LRBA: variants seen among roughly 807,000 people sequenced by gnomAD.
LRBA encodes lipopolysaccharide-responsive and beige-like anchor protein.
A neutral mutation model predicts 330.0 loss-of-function variants in LRBA; 176 were observed. The ratio of observed to expected loss-of-function variants is 0.53; its 90% CI spans 0.47 to 0.60. The LOEUF (loss-of-function observed/expected upper bound fraction) is 0.60. Ranked by LOEUF, LRBA falls within the 20% of genes least tolerant of loss-of-function variation. The probability of loss-of-function intolerance (pLI) is 0.00; values close to 1 mark genes in which losing one functional copy is unlikely to be tolerated. For missense variants in LRBA, 3,259 were observed against 3,444.8 expected (o/e 0.95, Z 1.35); for synonymous variants, 1,230 against 1,193.0 (o/e 1.03, Z -0.64).
At chr4:150,391,438 G>A (rs983547273) in intron 47 of LRBA, among the ~76,000 whole-genome samples, 1 of 152,192 alleles carries the variant, frequency 6.6e-6, no homozygotes, top group East Asian at 1.9e-4. Context: ...GAGTATGTGG[G>A]CATAGTCTAA....
chr4:150,834,048 T>C (rs1170531109), intron 28 of LRBA, among the ~76,000 whole-genome samples: 1 of 152,200 alleles, frequency 6.6e-6, no homozygotes, highest in African/African-American at 2.4e-5. Flanking sequence ...TTGTAGGAAT[T>C]CAATCACATG....
intron 40 of LRBA, among the ~76,000 whole-genome samples, chr4:150,539,700 A>G (rs2152221181): frequency 6.6e-6 from 1 of 152,346 alleles, no homozygotes; most frequent in African/African-American, 2.4e-5. Flanking sequence ...AGAATATTAT[A>G]CATTAATTGA....
At chr4:150,616,258 G>A (rs563310154) in intron 37 of LRBA, among the ~76,000 whole-genome samples, 2 of 152,114 alleles carry the variant, frequency 1.3e-5, no homozygotes, top group Non-Finnish European at 2.9e-5. Flanking sequence ...TTTCAAGCAA[G>A]TGACCAAAGC....
At position 150,415,455 on chromosome 4, in the gene LRBA, C is replaced by T. The variant is rs202243949; in HGVS notation, c.7177G>A (p.Val2393Ile). The change falls in exon 47 of 57, where the codon GTT becomes ATT. Residue 2393 changes from valine to isoleucine, a missense_variant. Physicochemically the swap from Val to Ile is conservative, Grantham distance 29. Coordinates refer to ENST00000651943, the MANE Select transcript of LRBA (RefSeq NM_001364905.1). ...TATCTTACCAATCTGTTTATGTGAA[C>T]AAATTCTTCTGAGGTTTTGGCCCAA... ...PPWAKTSEEFVHINRLALESE... is the reference protein window; with the variant it reads ...PPWAKTSEEFIHINRLALESE... 88 of 1,613,264 alleles carry T rather than the reference C, an allele frequency of 5.5e-5. No individual in the cohort carries two copies. The East Asian group carries it at 1.9e-3, about 34-fold the overall frequency.
intron 13 of LRBA, among the ~76,000 whole-genome samples, chr4:150,903,119 A>T (rs148657700): frequency 9.7e-4 from 148 of 152,322 alleles, no homozygotes; most frequent in African/African-American, 3.3e-3. Context: ...TGGTAGCTCA[A>T]GACTGTAATC....
intron 44 of LRBA, among the ~76,000 whole-genome samples, chr4:150,445,371 CTCTCTCTATATATA>C (rs1308090948): frequency 2.9e-3 from 245 of 84,362 alleles, no homozygotes; most frequent in Admixed American, 4.5e-3. Context: ...CTCTCTCTCT[CTCTCTCTATATATA>C]TATATATATA....
At position 151,011,958 on chromosome 4, in the gene LRBA, A is replaced by G. The variant is rs1467395900; in HGVS notation, c.216+2469T>C. Among the ~76,000 whole-genome samples the G allele has an allele frequency of 2.6e-5, 4 of 152,120 alleles. No individual in the cohort carries two copies. The South Asian group carries it at 8.3e-4, about 31-fold the overall frequency. On this transcript the variant is annotated intron_variant, in intron 2 of 56. Coordinates refer to ENST00000651943, the MANE Select transcript of LRBA (RefSeq NM_001364905.1). ...AGCTCTGGGATTACAAGCATGAGCC[A>G]CTGTGCGCAGCTGCTTCCAAAGATT...
At chr4:150,638,313 C>A (rs1159128374) in intron 37 of LRBA, among the ~76,000 whole-genome samples, 2 of 152,200 alleles carry the variant, frequency 1.3e-5, no homozygotes, top group Non-Finnish European at 1.5e-5. Flanking sequence ...AGGCGTAAGC[C>A]ACCACGCCCG....
chr4:150,437,729 G>C (rs376445509), intron 44 of LRBA, among the ~76,000 whole-genome samples: 11 of 151,910 alleles, frequency 7.2e-5, no homozygotes, highest in African/African-American at 2.4e-4. Flanking sequence ...AAAATGAGTA[G>C]GTACGTTAAA....
chr4:150,877,745 C>T (rs933403227), intron 17 of LRBA, among the ~76,000 whole-genome samples: 4 of 152,202 alleles, frequency 2.6e-5, no homozygotes, highest in African/African-American at 4.8e-5. Context: ...CTCATCTGCA[C>T]ACAAAACATA....
At chr4:151,003,296 C>G (rs1265982010) in intron 2 of LRBA, among the ~76,000 whole-genome samples, 1 of 150,444 alleles carries the variant, frequency 6.6e-6, no homozygotes, top group East Asian at 2.0e-4. Context: ...ACTTGGGAGG[C>G]TGAGGCAGAA....
chr4:150,923,674 T>C (rs769117160), intron 4 of LRBA, among the ~76,000 whole-genome samples: 3 of 152,168 alleles, frequency 2.0e-5, no homozygotes, highest in Non-Finnish European at 2.9e-5. Flanking sequence ...AAAATCTCAT[T>C]TGCAGTTACA....
chr4:150,579,826 G>C (rs1771034427), intron 40 of LRBA: 1 of 424,210 alleles, frequency 2.4e-6, no homozygotes, highest in Non-Finnish European at 4.8e-6. Flanking sequence ...ACTCACTCTC[G>C]GGAGCGTCGC....
At chr4:150,441,024 AT>A (rs1163973959) in intron 44 of LRBA, among the ~76,000 whole-genome samples, 1 of 152,142 alleles carries the variant, frequency 6.6e-6, no homozygotes, top group East Asian at 1.9e-4. Context: ...TTAAAAAAAC[AT>A]TTTTTGTTAC....
At chr4:150,585,083 T>C (rs527756209) in intron 40 of LRBA, among the ~76,000 whole-genome samples, 2 of 152,322 alleles carry the variant, frequency 1.3e-5, no homozygotes, top group East Asian at 3.9e-4. Flanking sequence ...CTGAATCCGA[T>C]ATACAAAGGA....
chr4:150,335,884 T>C (rs888772262), intron 48 of LRBA, among the ~76,000 whole-genome samples: 7 of 152,086 alleles, frequency 4.6e-5, no homozygotes, highest in South Asian at 2.1e-4. Context: ...TTTGTAGAGA[T>C]GGTGTTTTGC....
intron 2 of LRBA, among the ~76,000 whole-genome samples, chr4:150,950,297 TGAAA>T (rs1736687889): frequency 6.6e-6 from 1 of 152,144 alleles, no homozygotes; most frequent in South Asian, 2.1e-4. Context: ...TCATAGGATA[TGAAA>T]GAGATAGCAA....
chr4:150,658,545 C>G (rs1166932622), intron 37 of LRBA, among the ~76,000 whole-genome samples: 40 of 82 alleles, frequency 0.49, 5 homozygotes, highest in African/African-American at 0.56. Flanking sequence ...CTCTCCCTCT[C>G]CCTCTCCCTC....
chr4:150,814,504 T>C (rs1744260298), intron 31 of LRBA, among the ~76,000 whole-genome samples: 1 of 151,788 alleles, frequency 6.6e-6, no homozygotes, highest in African/African-American at 2.4e-5. Context: ...AGAGAACCCA[T>C]ATGACAGTAA....
Sources: gnomAD v4.1 joint callset for allele counts (sites outside exome capture counted in the v4.1 genomes callset) on GRCh38, gnomAD v4.1.1 for gene constraint, MANE v1.5 for transcripts, NCBI Gene and HGNC (gene_info 2026-07-23, HGNC 2026-07-21) for gene names.